Variants in KLRF1 observed in about 807,000 individuals in gnomAD.
KLRF1 encodes the protein killer cell lectin like receptor F1.
A neutral mutation model predicts 30.7 loss-of-function variants in KLRF1; 27 were observed. That is an observed-to-expected ratio of 0.88 (90% confidence interval 0.65 to 1.21). The LOEUF (loss-of-function observed/expected upper bound fraction) is 1.21, where lower values mean the gene tolerates loss of function less well. Among genes scored for constraint, KLRF1 ranks in the 50% most tolerant of loss-of-function variants. The pLI, the probability that KLRF1 is intolerant of heterozygous loss-of-function variation, is 0.00. For missense variants in KLRF1, 246 were observed against 259.3 expected (o/e 0.95, Z 0.35); for synonymous variants, 92 against 89.3 (o/e 1.03, Z -0.17).
At chr12:9,816,784 A>G in the KLRF1 span, among the ~76,000 whole-genome samples, 1 of 140,544 alleles carries the variant, frequency 7.1e-6, no homozygotes, top group African/African-American at 2.7e-5. Context: ...CCCAGGCTGG[A>G]GTGCAGTGGC....
At chr12:9,811,890 G>A in the KLRF1 span, among the ~76,000 whole-genome samples, 1 of 152,176 alleles carries the variant, frequency 6.6e-6, no homozygotes, top group Non-Finnish European at 1.5e-5. Flanking sequence ...CATTGGGTAA[G>A]CAGATGTAAC....
At chr12:9,842,245 C>A in intron 4 of KLRF1, 76 bp from the exon 5 acceptor site, 17 of 1,536,038 alleles carry the variant, frequency 1.1e-5, no homozygotes, top group Non-Finnish European at 1.5e-5. Context: ...TGCTTTTTTG[C>A]AATAACATTT....
the KLRF1 span, among the ~76,000 whole-genome samples, chr12:9,813,406 G>A: frequency 6.6e-6 from 1 of 152,088 alleles, no homozygotes; most frequent in Non-Finnish European, 1.5e-5. Context: ...TTCTGTGCAT[G>A]TGATCCTCCC....
At chr12:9,820,147 G>C in the KLRF1 span, among the ~76,000 whole-genome samples, 5 of 152,152 alleles carry the variant, frequency 3.3e-5, no homozygotes, top group Non-Finnish European at 7.4e-5. Context: ...ACCCTCACCA[G>C]TGTGTTTGGG....
upstream of KLRF1, chr12:9,827,455 A>C: frequency 1.6e-6 from 1 of 641,268 alleles, no homozygotes; most frequent in Non-Finnish European, 2.6e-6. Flanking sequence ...ATCTCTGATT[A>C]GCAGCAGATT....
the KLRF1 span, among the ~76,000 whole-genome samples, chr12:9,808,294 A>G: frequency 6.6e-5 from 10 of 152,136 alleles, no homozygotes; most frequent in East Asian, 1.9e-4. Flanking sequence ...TTTTCCCCCA[A>G]TGTGTTTGTA....
chr12:9,827,044 A>G (rs1397002523), upstream of KLRF1, among the ~76,000 whole-genome samples: 1 of 152,190 alleles, frequency 6.6e-6, no homozygotes, highest in African/African-American at 2.4e-5. Context: ...ATCAAATTAT[A>G]CTGTTAAATT....
At chr12:9,811,319 CAA>C in the KLRF1 span, among the ~76,000 whole-genome samples, 4 of 62,182 alleles carry the variant, frequency 6.4e-5, no homozygotes, top group African/African-American at 1.8e-4. Flanking sequence ...AGAAGTAGTC[CAA>C]AAAAAAAAAA....
the KLRF1 span, among the ~76,000 whole-genome samples, chr12:9,812,163 C>T: frequency 1.3e-5 from 2 of 151,814 alleles, no homozygotes; most frequent in African/African-American, 4.8e-5. Flanking sequence ...CAGGAGATCA[C>T]GACAATCCTG....
chr12:9,807,819 A>G, the KLRF1 span, among the ~76,000 whole-genome samples: 1 of 152,262 alleles, frequency 6.6e-6, no homozygotes, highest in South Asian at 2.1e-4. Context: ...TAGTGTAACC[A>G]GACATAAGAC....
the KLRF1 span, among the ~76,000 whole-genome samples, chr12:9,800,342 G>A: frequency 1.3e-5 from 2 of 152,032 alleles, no homozygotes; most frequent in African/African-American, 2.4e-5. Context: ...TGGAGTACAA[G>A]TGATTTTTGG....
chr12:9,811,398 A>G, the KLRF1 span, among the ~76,000 whole-genome samples: 1 of 150,648 alleles, frequency 6.6e-6, no homozygotes, highest in Non-Finnish European at 1.5e-5. Context: ...TAACATCTTT[A>G]TTCCGTGTTT....
At position 9,835,295 on chromosome 12, in the gene KLRF1, G is replaced by A. The variant is rs184556543; in HGVS notation, c.334+1843G>A. On this transcript the variant is annotated intron_variant, in intron 3 of 5. Transcript: ENST00000617889. Reference sequence around the variant, plus strand: ...CAAAACTGGAGATGCAAAGTAAAAAGATGAGGAGTGCTGAAAGGGGTGTCT... The same window carrying A: ...CAAAACTGGAGATGCAAAGTAAAAAAATGAGGAGTGCTGAAAGGGGTGTCT... 3.0e-3 allele frequency among the ~76,000 whole-genome samples: 454 copies of A among 152,214 alleles called. 3 individuals are homozygous for A. The highest frequency in any genetic ancestry group is 9.9e-3 in the African/African-American group (411 of 41,534).
chr12:9,808,557 A>C, the KLRF1 span, among the ~76,000 whole-genome samples: 1 of 152,158 alleles, frequency 6.6e-6, no homozygotes, highest in African/African-American at 2.4e-5. Context: ...CAGTAGGCTC[A>C]AAAAAGACCC....
At chr12:9,843,337 A>G (rs781761308) in intron 5 of KLRF1, among the ~76,000 whole-genome samples, 2 of 152,180 alleles carry the variant, frequency 1.3e-5, no homozygotes, top group African/African-American at 4.8e-5. Context: ...TCATAGGTGT[A>G]AGATAATAAA....
At chr12:9,836,227 C>T (rs1867573159) in intron 3 of KLRF1, among the ~76,000 whole-genome samples, 1 of 151,974 alleles carries the variant, frequency 6.6e-6, no homozygotes, top group Non-Finnish European at 1.5e-5. Flanking sequence ...CTACTTTTTG[C>T]AACAGGGCTT....
chr12:9,826,991 A>T (rs58326293), upstream of KLRF1, among the ~76,000 whole-genome samples: 653 of 152,298 alleles, frequency 4.3e-3, 6 homozygotes, highest in African/African-American at 0.015. Context: ...TTACCTATAT[A>T]ACAAACCTAC....
the KLRF1 span, among the ~76,000 whole-genome samples, chr12:9,807,947 G>A: frequency 2.0e-5 from 3 of 151,950 alleles, no homozygotes; most frequent in Non-Finnish European, 2.9e-5. Flanking sequence ...CAACCATCAA[G>A]CAAAAAGTAA....
At chr12:9,801,239 G>A in the KLRF1 span, among the ~76,000 whole-genome samples, 2 of 151,916 alleles carry the variant, frequency 1.3e-5, no homozygotes, top group Non-Finnish European at 2.9e-5. Flanking sequence ...TCTTTATCCA[G>A]TCTATCATTG....
Sources: allele counts gnomAD v4.1 joint callset (sites outside exome capture counted in the v4.1 genomes callset), GRCh38; gene constraint gnomAD v4.1.1; transcripts MANE v1.5; gene names NCBI Gene and HGNC (gene_info 2026-07-23, HGNC 2026-07-21).